ELP4: variants seen among roughly 807,000 people sequenced by gnomAD.
ELP4 encodes the protein elongator acetyltransferase complex subunit 4.
In ELP4, 51 loss-of-function variants were observed where a neutral mutation model predicts 48.9. The observed-to-expected ratio is 1.04, with a 90% confidence interval of 0.83 to 1.32. The LOEUF is 1.32. ELP4 is among the 40% of genes most tolerant of loss of function. ELP4 has a pLI of 0.00. For missense variants in ELP4, 519 were observed against 514.6 expected, an observed-to-expected ratio of 1.01 and a Z score of -0.08; for synonymous variants, 210 against 189.2, an observed-to-expected ratio of 1.11 and a Z score of -0.90.
intron 3 of ELP4, among the ~76,000 whole-genome samples, chr11:31,561,918 A>C (rs1957031171): frequency 6.6e-6 from 1 of 152,174 alleles, no homozygotes; most frequent in Non-Finnish European, 1.5e-5. Flanking sequence ...TGGGTGAGAA[A>C]ATAATTATGG....
chr11:31,684,750 A>G (rs1434260342), intron 9 of ELP4, among the ~76,000 whole-genome samples: 1 of 152,208 alleles, frequency 6.6e-6, no homozygotes, highest in African/African-American at 2.4e-5. Flanking sequence ...TATGAAAAAC[A>G]AAAGTAAATC....
At position 31,746,907 on chromosome 11, in the gene ELP4, A is replaced by T. The variant is rs552052822; in HGVS notation, c.1144-36486A>T. Among the ~76,000 whole-genome samples, 28 of 141,574 alleles carry T rather than the reference A, an allele frequency of 2.0e-4. No homozygotes were observed. The East Asian group carries it at 2.9e-3, about 15-fold the overall frequency. The allele number at this position is 141,574 out of a possible 152,430, so 92.9% of individuals were successfully genotyped here. A position where few individuals can be genotyped will look rare whatever the true frequency, so the allele number is the denominator to read the frequency against. On this transcript the variant is annotated intron_variant, in intron 9 of 9. Transcript: ENST00000640961. ...GTATAATAATAATAATAATTTTTTT[A>T]AAAAGTGAAAAAAATAAAAAATAAA...
intron 9 of ELP4, among the ~76,000 whole-genome samples, chr11:31,756,524 TCTC>T (rs1947835523): frequency 6.6e-6 from 1 of 152,192 alleles, no homozygotes; most frequent in Non-Finnish European, 1.5e-5. Flanking sequence ...AGCAGTACCT[TCTC>T]CTCAAAGCCT....
chr11:31,625,560 G>A (rs1165553907), intron 5 of ELP4, among the ~76,000 whole-genome samples: 2 of 151,756 alleles, frequency 1.3e-5, no homozygotes, highest in African/African-American at 2.4e-5. Flanking sequence ...ACAGAAAGAT[G>A]AATATTGCAT....
At chr11:31,634,976 A>C (rs565154919) in intron 7 of ELP4, among the ~76,000 whole-genome samples, 6 of 152,080 alleles carry the variant, frequency 3.9e-5, no homozygotes, top group Admixed American at 3.9e-4. Flanking sequence ...GTTATCATAT[A>C]GTAGTCTTCT....
chr11:31,666,625 G>A (rs1945684444), intron 9 of ELP4, among the ~76,000 whole-genome samples: 1 of 151,224 alleles, frequency 6.6e-6, no homozygotes, highest in Admixed American at 6.6e-5. Flanking sequence ...CCGGGAGGCG[G>A]AGATTGCAGT....
intron 3 of ELP4, among the ~76,000 whole-genome samples, chr11:31,594,384 G>A (rs1405427247): frequency 6.6e-6 from 1 of 152,014 alleles, no homozygotes; most frequent in Non-Finnish European, 1.5e-5. Flanking sequence ...AGCAGATTGT[G>A]CAAATGTTTT....
Position 31,790,095 on chromosome 11 carries a change from T to TAAAAAAA in ELP4, c.*6572_*6573insAAAAAAA. 1.6e-5 allele frequency: 1 copy of TAAAAAAA among 61,314 alleles called. No individual in the cohort carries two copies. Among genetic ancestry groups the TAAAAAAA allele is most frequent in the Non-Finnish European group, 2.6e-5 (1 of 39,156 alleles). 3.8% of individuals were successfully genotyped at this position (61,314 alleles called of 1,614,324 possible). A position where few individuals can be genotyped will look rare whatever the true frequency, so the allele number is the denominator to read the frequency against. ...GACATGGAATACAAATTTATAGGTTTACAAAAAAAAAAAAAAAAAAAAAAA... is the reference window on the plus strand; with the variant it reads ...GACATGGAATACAAATTTATAGGTTTAAAAAAAACAAAAAAAAAAAAAAAAAAAAAAA... On this transcript the variant is annotated 3_prime_UTR_variant, in exon 10 of 10. Transcript: ENST00000640961.
chr11:31,722,701 CTCTCTT>C (rs1323315618), intron 9 of ELP4, among the ~76,000 whole-genome samples: 8 of 89,336 alleles, frequency 9.0e-5, no homozygotes, highest in African/African-American at 7.7e-4. Flanking sequence ...CTCTCTGTCT[CTCTCTT>C]TCTCTCTCTC....
chr11:31,664,497 A>G (rs1228263637), intron 9 of ELP4: 3 of 152,102 alleles, frequency 2.0e-5, no homozygotes, highest in African/African-American at 4.8e-5. Context: ...CTAATAGAAT[A>G]ATGTATTTTA....
At chr11:31,527,990 G>A (rs1406788727) in intron 2 of ELP4, among the ~76,000 whole-genome samples, 1 of 151,898 alleles carries the variant, frequency 6.6e-6, no homozygotes, top group East Asian at 1.9e-4. Flanking sequence ...CTTTGCTTAT[G>A]TTCTTTCTTG....
chr11:31,513,275 A>C (rs995231132), intron 1 of ELP4, among the ~76,000 whole-genome samples: 1 of 152,162 alleles, frequency 6.6e-6, no homozygotes, highest in African/African-American at 2.4e-5. Context: ...CACAGTTCCT[A>C]GCTTTATTTT....
chr11:31,735,053 C>T (rs185909776), intron 9 of ELP4, among the ~76,000 whole-genome samples: 56 of 151,422 alleles, frequency 3.7e-4, no homozygotes, highest in African/African-American at 1.3e-3. Context: ...GAAATAAATG[C>T]ACAACTGTAT....
At chr11:31,769,031 A>G (rs1592294907) in intron 9 of ELP4, among the ~76,000 whole-genome samples, 1 of 152,140 alleles carries the variant, frequency 6.6e-6, no homozygotes, top group African/African-American at 2.4e-5. Context: ...AGTAAATACA[A>G]CTATTGAACA....
intron 3 of ELP4, among the ~76,000 whole-genome samples, chr11:31,560,882 T>C (rs1957014517): frequency 1.3e-5 from 2 of 152,004 alleles, no homozygotes; most frequent in Non-Finnish European, 2.9e-5. Flanking sequence ...ATATTCCCCA[T>C]GTGTTATATT....
At chr11:31,603,253 G>A (rs1010965883) in intron 4 of ELP4, among the ~76,000 whole-genome samples, 5 of 151,664 alleles carry the variant, frequency 3.3e-5, no homozygotes, top group African/African-American at 4.8e-5. Context: ...TGCAAGAAAT[G>A]TTTAATATAC....
chr11:31,688,283 G>A (rs774973484), intron 9 of ELP4, among the ~76,000 whole-genome samples: 16 of 152,130 alleles, frequency 1.1e-4, no homozygotes, highest in Non-Finnish European at 2.1e-4. Context: ...TGTAATGCAA[G>A]GGAATGGTTT....
intron 9 of ELP4, among the ~76,000 whole-genome samples, chr11:31,718,690 T>G (rs937797036): frequency 6.6e-6 from 1 of 152,202 alleles, no homozygotes; most frequent in Admixed American, 6.5e-5. Context: ...CTGGACTTCC[T>G]CACACATGGT....
chr11:31,565,783 A>G (rs1471408860), intron 3 of ELP4, among the ~76,000 whole-genome samples: 2 of 151,960 alleles, frequency 1.3e-5, no homozygotes, highest in African/African-American at 4.8e-5. Context: ...GTAGCCTTGT[A>G]GTATAGTTTG....
Sources: allele counts gnomAD v4.1 joint callset (sites outside exome capture counted in the v4.1 genomes callset), GRCh38; gene constraint gnomAD v4.1.1; transcripts MANE v1.5; gene names NCBI Gene and HGNC (gene_info 2026-07-23, HGNC 2026-07-21).